Variants in RBFOX1 observed in about 807,000 individuals in gnomAD.
RBFOX1 encodes the protein RNA binding fox-1 homolog 1.
A neutral mutation model predicts 57.7 loss-of-function variants in RBFOX1; 8 were observed. The observed-to-expected ratio is 0.14, with a 90% CI of 0.08 to 0.25. The LOEUF is 0.25. Ranked by LOEUF, RBFOX1 falls within the 10% of genes least tolerant of loss-of-function variation. RBFOX1 has a pLI of 1.00. For missense variants in RBFOX1, 611 were observed against 548.5 expected, an observed-to-expected ratio of 1.11 and a Z score of -1.14; for synonymous variants, 326 against 222.4, an observed-to-expected ratio of 1.47 and a Z score of -4.15.
At chr16:6,297,721 G>A (rs1041954942) in intron 1 of RBFOX1, among the ~76,000 whole-genome samples, 2 of 152,054 alleles carry the variant, frequency 1.3e-5, no homozygotes, top group African/African-American at 4.8e-5. Flanking sequence ...TCCAGAAGGA[G>A]ATGAAGAGAC....
rs139829322 is a variant in RBFOX1 at position 5,585,774 on chromosome 16, A to G, written c.259-13128A>G. On this transcript the variant is annotated intron_variant, in intron 2 of 2. Coordinates refer to the RBFOX1 transcript ENST00000585867. ...CTGTATGTGGCCATCACCTGGGTGG[A>G]TTCAAGAACTGCAGATCCTTGGTCT... 5.2e-3 allele frequency among the ~76,000 whole-genome samples: 790 copies of G among 152,324 alleles called. 6 individuals are homozygous for G. The highest frequency in any genetic ancestry group is 0.017 in the Middle Eastern group (5 of 294).
At chr16:7,392,846 TTTG>T (rs2098060802) in intron 4 of RBFOX1, among the ~76,000 whole-genome samples, 3 of 137,856 alleles carry the variant, frequency 2.2e-5, no homozygotes, top group African/African-American at 5.9e-5. Context: ...GTTGTTTTGG[TTTG>T]GTTTGGTTTG....
chr16:6,024,776 G>A (rs888020062), intron 1 of RBFOX1, among the ~76,000 whole-genome samples: 10 of 152,186 alleles, frequency 6.6e-5, no homozygotes, highest in Admixed American at 1.3e-4. Flanking sequence ...GAGCCACCAC[G>A]CCCAGCCTCA....
intron 3 of RBFOX1, among the ~76,000 whole-genome samples, chr16:6,846,849 G>A (rs1296748247): frequency 6.6e-6 from 1 of 151,836 alleles, no homozygotes; most frequent in Non-Finnish European, 1.5e-5. Flanking sequence ...TGGATGGCAT[G>A]CTCATAAGTT....
chr16:6,061,541 A>T (rs2095686471), intron 1 of RBFOX1, among the ~76,000 whole-genome samples: 1 of 151,554 alleles, frequency 6.6e-6, no homozygotes, highest in Non-Finnish European at 1.5e-5. Context: ...ATATAATGTA[A>T]TTATTAAATT....
At chr16:5,912,709 T>C (rs2058629253) in intron 4 of RBFOX1, among the ~76,000 whole-genome samples, 1 of 152,186 alleles carries the variant, frequency 6.6e-6, no homozygotes, top group African/African-American at 2.4e-5. Flanking sequence ...CTTGGAGGCT[T>C]ACAAAAAACA....
intron 2 of RBFOX1, among the ~76,000 whole-genome samples, chr16:6,425,025 A>G (rs576534546): frequency 6.6e-6 from 1 of 152,346 alleles, no homozygotes; most frequent in East Asian, 1.9e-4. Context: ...GATGTGGATG[A>G]ACTAAATATT....
At chr16:5,849,730 C>T (rs2056845700) in intron 3 of RBFOX1, among the ~76,000 whole-genome samples, 2 of 152,130 alleles carry the variant, frequency 1.3e-5, no homozygotes, top group Admixed American at 6.5e-5. Context: ...AGCATCTCGC[C>T]GATGCACAGC....
chr16:7,708,497 T>C (rs1016528958), intron 14 of RBFOX1, among the ~76,000 whole-genome samples: 5 of 132,468 alleles, frequency 3.8e-5, no homozygotes, highest in Admixed American at 7.7e-5. Context: ...ATCAGTCTGA[T>C]TGAATGGGAA....
At chr16:5,571,187 C>T (rs954421288) in intron 2 of RBFOX1, among the ~76,000 whole-genome samples, 3 of 151,042 alleles carry the variant, frequency 2.0e-5, no homozygotes, top group South Asian at 2.1e-4. Flanking sequence ...CTCCCTTGTC[C>T]CCTGGTAGTG....
intron 3 of RBFOX1, among the ~76,000 whole-genome samples, chr16:6,879,332 C>T (rs933884182): frequency 6.6e-6 from 1 of 152,196 alleles, no homozygotes; most frequent in South Asian, 2.1e-4. Context: ...TAATTAACTT[C>T]AGACACTCTG....
chr16:6,416,782 G>A (rs1476829), intron 2 of RBFOX1, among the ~76,000 whole-genome samples: 67,208 of 151,950 alleles, frequency 0.44, 15,885 homozygotes, highest in East Asian at 0.57. Flanking sequence ...CAGGATACAC[G>A]GATACATCAA....
intron 4 of RBFOX1, among the ~76,000 whole-genome samples, chr16:7,441,134 G>T (rs374190963): frequency 2.6e-4 from 39 of 152,130 alleles, no homozygotes; most frequent in African/African-American, 9.4e-4. Flanking sequence ...TCTATATGAG[G>T]TGGGGCTCAC....
intron 4 of RBFOX1, among the ~76,000 whole-genome samples, chr16:7,398,920 G>A (rs1290584659): frequency 6.6e-6 from 1 of 152,098 alleles, no homozygotes; most frequent in Admixed American, 6.5e-5. Context: ...CCACAAACTT[G>A]GTAGCTTTAT....
chr16:5,857,364 C>T (rs541386528), intron 3 of RBFOX1, among the ~76,000 whole-genome samples: 22 of 152,158 alleles, frequency 1.4e-4, no homozygotes, highest in Middle Eastern at 3.4e-3. Context: ...TTAAATATTG[C>T]AGGTATTACC....
At chr16:7,599,327 G>A (rs980841351) in intron 9 of RBFOX1, among the ~76,000 whole-genome samples, 4 of 152,240 alleles carry the variant, frequency 2.6e-5, no homozygotes, top group Admixed American at 2.6e-4. Context: ...ATGACTAGCT[G>A]CTCATGTGTG....
chr16:6,060,129 T>TTTTTTTTTTTTTTTTTG (rs2095665800), intron 1 of RBFOX1, among the ~76,000 whole-genome samples: 1 of 8,886 alleles, frequency 1.1e-4, no homozygotes, highest in Admixed American at 1.4e-3. Flanking sequence ...AGGGTTTTTT[T>TTTTTTTTTTTTTTTTTG]TTTTTTTTTT....
intron 3 of RBFOX1, among the ~76,000 whole-genome samples, chr16:5,861,582 G>A (rs1455203837): frequency 6.6e-6 from 1 of 152,154 alleles, no homozygotes; most frequent in Non-Finnish European, 1.5e-5. Context: ...TATGCATTTG[G>A]TTCTATTTGC....
At chr16:5,240,008 G>A (rs780807402) in exon 1 of RBFOX1, 4 of 1,531,246 alleles carry the variant, frequency 2.6e-6, no homozygotes, top group South Asian at 2.4e-5. Context: ...GGGCTGGAGG[G>A]GGGAAGCGCA....
Sources: gnomAD v4.1 joint callset for allele counts (sites outside exome capture counted in the v4.1 genomes callset) on GRCh38, gnomAD v4.1.1 for gene constraint, MANE v1.5 for transcripts, NCBI Gene and HGNC (gene_info 2026-07-23, HGNC 2026-07-21) for gene names.